The following SIL1 variants were observed in gnomAD, a reference collection of about 807,000 sequenced individuals.
SIL1 encodes SIL1 nucleotide exchange factor, also known as nucleotide exchange factor SIL1.
Under a neutral mutation model 49.1 loss-of-function variants are expected in SIL1, and 40 were observed. That is an observed-to-expected ratio of 0.81 (90% CI 0.63 to 1.06). The LOEUF is 1.06. Ranked by LOEUF, SIL1 falls within the 50% of genes least tolerant of loss-of-function variation. The pLI, the probability that SIL1 is intolerant of heterozygous loss-of-function variation, is 0.00. For synonymous variants in SIL1, 253 were observed against 250.8 expected, an observed-to-expected ratio of 1.01 and a Z score of -0.08; for missense variants, 500 against 572.6, an observed-to-expected ratio of 0.87 and a Z score of 1.29.
chr5:139,174,642 A>C (rs1356203604), intron 1 of SIL1, among the ~76,000 whole-genome samples: 3 of 152,128 alleles, frequency 2.0e-5, no homozygotes, highest in Non-Finnish European at 2.9e-5. Flanking sequence ...CATTTCAAAA[A>C]AAAACAAAAA....
chr5:139,138,255 C>T (rs1751014579), intron 1 of SIL1, among the ~76,000 whole-genome samples: 1 of 152,180 alleles, frequency 6.6e-6, no homozygotes, highest in South Asian at 2.1e-4. Context: ...ATACACAAGA[C>T]AGAAGTATTT....
intron 9 of SIL1, 128 bp downstream of exon 9, chr5:138,951,043 G>A (rs995994111): frequency 9.4e-6 from 10 of 1,062,372 alleles, no homozygotes; most frequent in Non-Finnish European, 1.4e-5. Flanking sequence ...CTGTCTGTCT[G>A]TCCATCCATC....
chr5:138,970,198 G>C (rs1391238479), intron 7 of SIL1, among the ~76,000 whole-genome samples: 1 of 152,244 alleles, frequency 6.6e-6, no homozygotes, highest in Non-Finnish European at 1.5e-5. Flanking sequence ...AGGATTCACT[G>C]CCACCAACAA....
At chr5:139,092,846 T>C (rs1047093440) in intron 3 of SIL1, among the ~76,000 whole-genome samples, 1 of 152,236 alleles carries the variant, frequency 6.6e-6, no homozygotes, top group African/African-American at 2.4e-5. Flanking sequence ...ATGGTTTAAA[T>C]GTGGCCTCCA....
intron 5 of SIL1, 33 bp from the exon 6 acceptor site, chr5:139,027,025 G>A (rs781715115): frequency 1.2e-6 from 2 of 1,610,968 alleles, no homozygotes; most frequent in Non-Finnish European, 1.7e-6. Context: ...GATTAAATTG[G>A]TTGGAGACAT....
chr5:139,154,708 C>T (rs892716860), intron 1 of SIL1, among the ~76,000 whole-genome samples: 3 of 152,208 alleles, frequency 2.0e-5, no homozygotes, highest in African/African-American at 7.2e-5. Flanking sequence ...ACCAGGGAGA[C>T]CTTTACTCCA....
chr5:139,074,118 G>A (rs1019219471), intron 3 of SIL1, among the ~76,000 whole-genome samples: 10 of 152,096 alleles, frequency 6.6e-5, no homozygotes, highest in African/African-American at 2.4e-4. Context: ...ATGCAGTAGT[G>A]CAATCACAGC....
chr5:139,179,564 G>T lies in SIL1; in HGVS notation c.-11+18705C>A, dbSNP rs182179846. On this transcript the variant is annotated intron_variant, in intron 1 of 9. Transcript: ENST00000394817. ...TCTCCTTACCCTTCTCTTATGTAGG[G>T]TAGGCAGGTAGGGGGTGGCAGGAAG... Among the ~76,000 whole-genome samples the T allele has an allele frequency of 2.0e-4, 30 of 152,284 alleles. No individual in the cohort carries two copies. The East Asian group carries it at 5.6e-3, about 28-fold the overall frequency.
Position 138,955,163 on chromosome 5 carries a change from CG to C in SIL1, c.768-3280del, listed in dbSNP as rs1251907510. 4.6e-5 allele frequency among the ~76,000 whole-genome samples: 7 copies of C among 152,252 alleles called. No individual in the cohort carries two copies. The East Asian group carries it at 1.4e-3, about 29-fold the overall frequency. On this transcript the variant is annotated intron_variant, in intron 7 of 9. Coordinates refer to ENST00000394817, the MANE Select transcript of SIL1 (RefSeq NM_022464.5). ...CAGTTGGGGATCTGAGTTAAGGGGG[CG>C]GGGGCCTGGCACGCCTCAAAGTGAC...
intron 1 of SIL1, among the ~76,000 whole-genome samples, chr5:139,143,385 G>A (rs1581131235): frequency 1.5e-5 from 2 of 130,630 alleles, no homozygotes; most frequent in Admixed American, 7.7e-5. Flanking sequence ...GTTTTGTTTT[G>A]TTAAGATGGA....
intron 1 of SIL1, among the ~76,000 whole-genome samples, chr5:139,174,675 AG>A: frequency 6.6e-6 from 1 of 151,756 alleles, no homozygotes; most frequent in Non-Finnish European, 1.5e-5. Flanking sequence ...GAAGTGGCTC[AG>A]CCTGTAATCC....
At chr5:139,061,050 G>A (rs562328018) in intron 3 of SIL1, among the ~76,000 whole-genome samples, 1 of 152,304 alleles carries the variant, frequency 6.6e-6, no homozygotes, top group African/African-American at 2.4e-5. Flanking sequence ...CCTTCTAAAA[G>A]TATTCCACCT....
chr5:138,957,621 C>T lies in SIL1; in HGVS notation c.768-5737G>A, dbSNP rs988673300. On this transcript the variant is annotated intron_variant, in intron 7 of 9. Transcript: ENST00000394817. ...AAAAAAATGACTTACTGGAAAGCTG[C>T]AAGAATAGTAAATAAACTCCCATCC... 1.6e-4 allele frequency among the ~76,000 whole-genome samples: 25 copies of T among 152,068 alleles called. 1 individual carries two copies. Among genetic ancestry groups the T allele is most frequent in the Non-Finnish European group, 2.1e-4 (14 of 67,994 alleles).
intron 3 of SIL1, among the ~76,000 whole-genome samples, chr5:139,081,463 G>A (rs1038900189): frequency 1.3e-5 from 2 of 152,158 alleles, no homozygotes; most frequent in African/African-American, 4.8e-5. Flanking sequence ...CTACAAATAA[G>A]AAAACATGAC....
chr5:139,077,803 C>A (rs1039459466), intron 3 of SIL1, among the ~76,000 whole-genome samples: 3 of 142,236 alleles, frequency 2.1e-5, no homozygotes, highest in Admixed American at 1.3e-4. Context: ...CTCATTGTTA[C>A]AGAGTCAGCT....
chr5:139,084,169 C>T (rs1770157171), intron 3 of SIL1, among the ~76,000 whole-genome samples: 1 of 151,752 alleles, frequency 6.6e-6, no homozygotes. Flanking sequence ...TGCGGGAACA[C>T]TTTTACACTG....
At chr5:139,110,766 C>T (rs564285589) in intron 3 of SIL1, among the ~76,000 whole-genome samples, 9 of 152,304 alleles carry the variant, frequency 5.9e-5, no homozygotes, top group Admixed American at 5.2e-4. Flanking sequence ...TCAAAGAGTT[C>T]CCTTGATGTT....
At chr5:139,186,334 G>A (rs776662791) in intron 1 of SIL1, among the ~76,000 whole-genome samples, 3 of 151,948 alleles carry the variant, frequency 2.0e-5, no homozygotes, top group Admixed American at 1.3e-4. Flanking sequence ...TTCACCAAAC[G>A]CCCTCAAAAG....
At chr5:139,113,212 T>G (rs1036232787) in intron 3 of SIL1, among the ~76,000 whole-genome samples, 2 of 152,022 alleles carry the variant, frequency 1.3e-5, no homozygotes, top group Non-Finnish European at 2.9e-5. Flanking sequence ...TGTTCACTTG[T>G]TTATCTGCTG....
Sources: gnomAD v4.1 joint callset for allele counts (sites outside exome capture counted in the v4.1 genomes callset) on GRCh38, gnomAD v4.1.1 for gene constraint, MANE v1.5 for transcripts, NCBI Gene and HGNC (gene_info 2026-07-23, HGNC 2026-07-21) for gene names.